Variants in ZYG11A observed in about 807,000 individuals in gnomAD.
The protein encoded by ZYG11A is zyg-11 family member A, cell cycle regulator, also known as protein zyg-11 homolog A.
In ZYG11A, 62 loss-of-function variants were observed where a neutral mutation model predicts 77.2. The observed-to-expected ratio is 0.80, with a 90% CI of 0.65 to 0.99. The LOEUF is 0.99. Ranked by LOEUF, ZYG11A falls within the 50% of genes least tolerant of loss-of-function variation. The pLI, the probability that ZYG11A is intolerant of heterozygous loss-of-function variation, is 0.00. For missense variants in ZYG11A, 828 were observed against 896.8 expected (o/e 0.92, Z 0.98); for synonymous variants, 315 against 324.6 (o/e 0.97, Z 0.32).
At chr1:52,850,319 ATTTT>A (rs1333938329) in intron 1 of ZYG11A, among the ~76,000 whole-genome samples, 1 of 134,112 alleles carries the variant, frequency 7.5e-6, no homozygotes. Context: ...ACGCCCAGCT[ATTTT>A]TTTTTTTTTT....
At chr1:52,889,421 A>G (rs895882087) in intron 13 of ZYG11A, among the ~76,000 whole-genome samples, 3 of 150,592 alleles carry the variant, frequency 2.0e-5, no homozygotes, top group Non-Finnish European at 4.4e-5. Flanking sequence ...AAAGTATTTA[A>G]TTTTTTTTCT....
intron 8 of ZYG11A, among the ~76,000 whole-genome samples, chr1:52,871,090 C>T (rs1196328458): frequency 6.6e-6 from 1 of 152,108 alleles, no homozygotes; most frequent in Non-Finnish European, 1.5e-5. Flanking sequence ...CGATGGCACA[C>T]CTGCAAAGTA....
At chr1:52,855,836 T>C (rs1427572643) in intron 2 of ZYG11A, among the ~76,000 whole-genome samples, 1 of 152,248 alleles carries the variant, frequency 6.6e-6, no homozygotes, top group Admixed American at 6.5e-5. Flanking sequence ...GTTCTCACTT[T>C]TGGGCTATTA....
At chr1:52,848,070 C>T (rs1315031507) in intron 1 of ZYG11A, among the ~76,000 whole-genome samples, 1 of 152,030 alleles carries the variant, frequency 6.6e-6, no homozygotes. Context: ...GGGGTTTCAC[C>T]ATGTTAGCCA....
rs560689499 is a variant in ZYG11A at position 52,877,610 on chromosome 1, A to G, written c.1543-72A>G. 172 of 1,360,844 alleles carry G rather than the reference A, an allele frequency of 1.3e-4. 1 individual carries two copies. In the South Asian group the frequency reaches 2.3e-3, roughly 19 times the overall value. 84.3% of individuals were successfully genotyped at this position (1,360,844 alleles called of 1,614,324 possible). ...GAACCGAGGTTTGATGCGTCTTAACATTGCTTTCCTTATACCGCAATTGAT... is the reference window on the plus strand; with the variant it reads ...GAACCGAGGTTTGATGCGTCTTAACGTTGCTTTCCTTATACCGCAATTGAT... On this transcript the variant is annotated intron_variant, in intron 8 of 13. Coordinates refer to ENST00000371528, the MANE Select transcript of ZYG11A (RefSeq NM_001004339.3).
chr1:52,877,579 G>A, intron 8 of ZYG11A, 103 bp from the exon 9 acceptor site: 1 of 934,882 alleles, frequency 1.1e-6, no homozygotes, highest in Non-Finnish European at 1.6e-6. Flanking sequence ...GCAGAACTTG[G>A]GTTTAGAACC....
rs574988256 is a variant in ZYG11A at position 52,843,028 on chromosome 1, G to C, written c.90+55G>C. 6 of 1,425,698 alleles carry C rather than the reference G, an allele frequency of 4.2e-6. No homozygotes were observed. In the African/African-American group the frequency reaches 9.0e-5, roughly 21 times the overall value. 88.3% of individuals were successfully genotyped at this position (1,425,698 alleles called of 1,614,324 possible). A position where few individuals can be genotyped will look rare whatever the true frequency, so the allele number is the denominator to read the frequency against. On this transcript the variant is annotated intron_variant, in intron 1 of 13. Coordinates refer to ENST00000371528, the MANE Select transcript of ZYG11A (RefSeq NM_001004339.3). ...GACCTCGGCGCCACGTCCAGCTCCG[G>C]CGAGCGCGGCGAGTCTCCTGGGACG...
intron 3 of ZYG11A, among the ~76,000 whole-genome samples, chr1:52,859,265 C>G (rs574026208): frequency 5.9e-5 from 9 of 151,588 alleles, no homozygotes; most frequent in African/African-American, 1.5e-4. Context: ...ATCTCTTCCC[C>G]CCTTGGATAA....
intron 1 of ZYG11A, among the ~76,000 whole-genome samples, chr1:52,846,326 A>T (rs1168066374): frequency 0.075 from 542 of 7,198 alleles, 28 homozygotes; most frequent in African/African-American, 0.26. Flanking sequence ...ATATATATAT[A>T]TATATATATA....
At position 52,847,550 on chromosome 1, in the gene ZYG11A, C is replaced by G. The variant is rs193062997; in HGVS notation, c.90+4577C>G. Among the ~76,000 whole-genome samples, 295 of 151,330 alleles carry G rather than the reference C, an allele frequency of 1.9e-3. 1 individual carries two copies. Among genetic ancestry groups the G allele is most frequent in the Non-Finnish European group, 3.2e-3 (217 of 67,886 alleles). ...AGCTTAAAGAACTTTTAATATTTCT[C>G]ATAGCATATGAGCTGGCGACAAGTT... On this transcript the variant is annotated intron_variant, in intron 1 of 13. Transcript: ENST00000371528.
chr1:52,858,032 T>C (rs1437163318), intron 3 of ZYG11A, among the ~76,000 whole-genome samples: 1 of 151,206 alleles, frequency 6.6e-6, no homozygotes, highest in East Asian at 2.0e-4. Flanking sequence ...GGTGATCTGC[T>C]TGCCTCGGCT....
chr1:52,880,743 T>C (rs1054407868), intron 10 of ZYG11A, among the ~76,000 whole-genome samples: 6 of 152,130 alleles, frequency 3.9e-5, no homozygotes, highest in Non-Finnish European at 5.9e-5. Context: ...AGAAACTGAA[T>C]CACTCAGTCC....
chr1:52,881,215 G>T, intron 10 of ZYG11A: 1 of 265,636 alleles, frequency 3.8e-6, no homozygotes, highest in Non-Finnish European at 7.1e-6. Flanking sequence ...ATGAGATAAG[G>T]TAGATAAAAA....
At chr1:52,848,512 A>C (rs1645644230) in intron 1 of ZYG11A, among the ~76,000 whole-genome samples, 1 of 152,192 alleles carries the variant, frequency 6.6e-6, no homozygotes, top group African/African-American at 2.4e-5. Flanking sequence ...AAAATGACAT[A>C]AAATAAAGAC....
In ZYG11A at chr1:52,860,826, C is replaced by T; in HGVS notation, c.1104C>T (p.Phe368=). 6.4e-7 allele frequency: 1 copy of T among 1,551,660 alleles called. No homozygotes were observed. Among genetic ancestry groups the T allele is most frequent in the Non-Finnish European group, 8.7e-7 (1 of 1,146,970 alleles). The change falls in exon 4 of 14, where the codon TTC becomes TTT. Residue 368 remains phenylalanine (F), a synonymous_variant. Coordinates refer to ENST00000371528, the MANE Select transcript of ZYG11A (RefSeq NM_001004339.3). ...CFVKEALHRL[F]TETFSMEVTM... ...TGAAGGAAGCCCTCCACAGGCTGTT[C>T]ACAGAGACATTTTCAATGGAGGTAA...
At chr1:52,875,852 A>G (rs766096905) in intron 8 of ZYG11A, among the ~76,000 whole-genome samples, 4 of 150,606 alleles carry the variant, frequency 2.7e-5, no homozygotes, top group Non-Finnish European at 4.4e-5. Context: ...GTATTTCTCA[A>G]TGAAAAAGAT....
chr1:52,885,260 C>T (rs368942421), intron 11 of ZYG11A, among the ~76,000 whole-genome samples: 1 of 151,006 alleles, frequency 6.6e-6, no homozygotes, highest in Admixed American at 6.6e-5. Context: ...AAGTACCTCA[C>T]GTGCCAAATT....
At chr1:52,859,101 CTGT>C (rs534633896) in intron 3 of ZYG11A, among the ~76,000 whole-genome samples, 2 of 151,972 alleles carry the variant, frequency 1.3e-5, no homozygotes, top group South Asian at 4.1e-4. Flanking sequence ...CAGAGTCACT[CTGT>C]TGTTCAGGAT....
In ZYG11A at chr1:52,857,744, T is replaced by G; in HGVS notation, c.1003T>G (p.Leu335Val). Reference protein sequence around the residue: ...SSDFFTTKQGLRVAGGASMSQ... With the variant: ...SSDFFTTKQGVRVAGGASMSQ... Reference sequence around the variant, plus strand: ...TGACTTCTTTACTACAAAGCAAGGCTTGAGGGTTTGTTCTTATCTGAATAA... The same window carrying G: ...TGACTTCTTTACTACAAAGCAAGGCGTGAGGGTTTGTTCTTATCTGAATAA... The change falls in exon 3 of 14, where the codon TTG (leucine) becomes GTG (valine). Residue 335 changes from leucine to valine, a missense_variant. Leu to Val is a conservative substitution (Grantham distance 32). Transcript: ENST00000371528. 1 of 1,544,182 alleles carries G rather than the reference T, an allele frequency of 6.5e-7. No individual in the cohort carries two copies.
Sources: gnomAD v4.1 joint callset for allele counts (sites outside exome capture counted in the v4.1 genomes callset) on GRCh38, gnomAD v4.1.1 for gene constraint, MANE v1.5 for transcripts, NCBI Gene and HGNC (gene_info 2026-07-23, HGNC 2026-07-21) for gene names.